Variants in SDCCAG8 observed in about 807,000 individuals in gnomAD.
SDCCAG8 encodes the protein SHH signaling and ciliogenesis regulator SDCCAG8.
SDCCAG8 carries 74 observed loss-of-function variants against 101.8 expected under a neutral mutation model. The observed-to-expected ratio is 0.73, with a 90% CI of 0.60 to 0.88. The LOEUF (loss-of-function observed/expected upper bound fraction) is 0.88, where lower values mean the gene tolerates loss of function less well. SDCCAG8 is among the 40% of genes least tolerant of loss of function. SDCCAG8 has a pLI of 0.00. For missense variants in SDCCAG8, 787 were observed against 822.6 expected (o/e 0.96, Z 0.53); for synonymous variants, 281 against 292.9 (o/e 0.96, Z 0.41).
intron 13 of SDCCAG8, among the ~76,000 whole-genome samples, chr1:243,394,535 C>T (rs991907740): frequency 1.8e-4 from 28 of 152,062 alleles, no homozygotes; most frequent in African/African-American, 6.3e-4. Context: ...TATCCTCTGT[C>T]GTTAAAAGAC....
At chr1:243,326,894 C>G (rs917432518) in intron 9 of SDCCAG8, among the ~76,000 whole-genome samples, 1 of 152,044 alleles carries the variant, frequency 6.6e-6, no homozygotes, top group African/African-American at 2.4e-5. Flanking sequence ...TTTTGACTGC[C>G]TAAGATAGTA....
At chr1:243,259,413 C>CAACAAA (rs370541881) in intron 1 of SDCCAG8, among the ~76,000 whole-genome samples, 4 of 151,822 alleles carry the variant, frequency 2.6e-5, no homozygotes, top group East Asian at 3.9e-4. Context: ...TCTCAAAAAA[C>CAACAAA]AACAAAAACA....
chr1:243,336,893 A>G (rs888771263), intron 10 of SDCCAG8, among the ~76,000 whole-genome samples: 7 of 152,118 alleles, frequency 4.6e-5, no homozygotes, highest in Non-Finnish European at 1.5e-5. Context: ...GATTCTGGAT[A>G]TTAGGCCTTT....
At chr1:243,364,638 T>C (rs1027908672) in intron 12 of SDCCAG8, among the ~76,000 whole-genome samples, 1 of 152,190 alleles carries the variant, frequency 6.6e-6, no homozygotes, top group African/African-American at 2.4e-5. Flanking sequence ...CTTTTCTCAG[T>C]TGTTTGAAGT....
intron 13 of SDCCAG8, among the ~76,000 whole-genome samples, chr1:243,407,067 T>C (rs1408488311): frequency 6.6e-6 from 1 of 152,224 alleles, no homozygotes; most frequent in Non-Finnish European, 1.5e-5. Flanking sequence ...TCGTTTATTT[T>C]GTTCACTAGA....
chr1:243,282,878 G>A (rs144546404), intron 4 of SDCCAG8, among the ~76,000 whole-genome samples: 39 of 151,972 alleles, frequency 2.6e-4, no homozygotes, highest in East Asian at 5.8e-4. Flanking sequence ...ACTGAGTCTC[G>A]CTCTATAGCA....
intron 16 of SDCCAG8, among the ~76,000 whole-genome samples, chr1:243,428,736 C>G (rs1251877367): frequency 6.6e-6 from 1 of 152,196 alleles, no homozygotes; most frequent in Admixed American, 6.5e-5. Flanking sequence ...ATGGTACCAT[C>G]TGCAATTGAG....
intron 12 of SDCCAG8, among the ~76,000 whole-genome samples, chr1:243,375,226 G>C (rs2077531344): frequency 6.6e-6 from 1 of 152,074 alleles, no homozygotes; most frequent in South Asian, 2.1e-4. Flanking sequence ...GTATAAGTTT[G>C]TCTTTTAAAA....
intron 11 of SDCCAG8, among the ~76,000 whole-genome samples, chr1:243,343,124 G>A (rs1442184055): frequency 6.6e-6 from 1 of 152,126 alleles, no homozygotes; most frequent in Non-Finnish European, 1.5e-5. Context: ...ACCATACCCA[G>A]CTTAAATGCA....
chr1:243,292,379 G>A (rs756468293), intron 5 of SDCCAG8, among the ~76,000 whole-genome samples: 40 of 152,270 alleles, frequency 2.6e-4, no homozygotes, highest in Non-Finnish European at 4.1e-4. Flanking sequence ...AGAAGCACTT[G>A]TGTCAGAAAC....
chr1:243,495,443 C>T (rs991438053), intron 17 of SDCCAG8, among the ~76,000 whole-genome samples: 12 of 152,186 alleles, frequency 7.9e-5, no homozygotes, highest in Admixed American at 3.3e-4. Flanking sequence ...ACTCTGACTG[C>T]GGTGTGGAGG....
intron 6 of SDCCAG8, among the ~76,000 whole-genome samples, chr1:243,294,506 C>CGAGAGAGAGAGAGAGAGAGAGAGAGA (rs74162272): frequency 0.048 from 5,038 of 105,550 alleles, 396 homozygotes; most frequent in Non-Finnish European, 0.067. Context: ...AGAGAAAGAG[C>CGAGAGAGAGAGAGAGAGAGAGAGAGA]GAGAGAGAGA....
At chr1:243,359,796 T>C (rs1004156733) in intron 12 of SDCCAG8, among the ~76,000 whole-genome samples, 9 of 152,350 alleles carry the variant, frequency 5.9e-5, no homozygotes, top group African/African-American at 2.2e-4. Context: ...TTAGTGATAG[T>C]ATCTAAATGA....
chr1:243,352,619 A>C (rs762892710), intron 12 of SDCCAG8, among the ~76,000 whole-genome samples: 5 of 152,222 alleles, frequency 3.3e-5, no homozygotes, highest in Non-Finnish European at 1.5e-5. Context: ...TAGTCCAGAA[A>C]TATTAGTACC....
intron 12 of SDCCAG8, among the ~76,000 whole-genome samples, chr1:243,360,339 A>G (rs2076629583): frequency 6.6e-6 from 1 of 151,404 alleles, no homozygotes; most frequent in Non-Finnish European, 1.5e-5. Context: ...TTTTTAGTAG[A>G]GATGGGGTTT....
intron 16 of SDCCAG8, among the ~76,000 whole-genome samples, chr1:243,457,022 G>A (rs2083814552): frequency 6.6e-6 from 1 of 152,180 alleles, no homozygotes; most frequent in Non-Finnish European, 1.5e-5. Context: ...ATACAGTGAT[G>A]AACTTCCAAA....
At chr1:243,480,722 TGGGATGGATGAATGG>T in intron 16 of SDCCAG8, among the ~76,000 whole-genome samples, 1 of 74,200 alleles carries the variant, frequency 1.3e-5, no homozygotes, top group East Asian at 4.6e-4. Flanking sequence ...GATGGATGGG[TGGGATGGATGAATGG>T]GGGATGGATG....
chr1:243,497,046 C>T (rs1668109006), intron 17 of SDCCAG8, among the ~76,000 whole-genome samples: 1 of 152,192 alleles, frequency 6.6e-6, no homozygotes. Context: ...GAGACACTGG[C>T]TGAGGGCTCA....
rs1558528324 is a variant in SDCCAG8 at position 243,480,821 on chromosome 1, GGATGGAT to G, written c.1986-8191_1986-8185del. On this transcript the variant is annotated intron_variant, in intron 16 of 17. Coordinates refer to ENST00000366541, the MANE Select transcript of SDCCAG8 (RefSeq NM_006642.5). ...GGATGGATGGATGGATGGGTGGGATGGATGGATGGATGGATGGATGGGTGGGGTGGAT... is the reference window on the plus strand; with the variant it reads ...GGATGGATGGATGGATGGGTGGGATGGGATGGATGGATGGGTGGGGTGGAT... Among the ~76,000 whole-genome samples the G allele has an allele frequency of 1.0e-4, 13 of 129,774 alleles. 1 individual carries two copies. The highest frequency in any genetic ancestry group is 5.4e-4 in the Admixed American group (7 of 13,070). 85.1% of individuals were successfully genotyped at this position (129,774 alleles called of 152,430 possible).
Sources: gnomAD v4.1 joint callset for allele counts (sites outside exome capture counted in the v4.1 genomes callset) on GRCh38, gnomAD v4.1.1 for gene constraint, MANE v1.5 for transcripts, NCBI Gene and HGNC (gene_info 2026-07-23, HGNC 2026-07-21) for gene names.